The following TRPM3 variants were observed in gnomAD, a reference collection of about 807,000 sequenced individuals.
TRPM3 encodes the protein transient receptor potential cation channel subfamily M member 3.
TRPM3 carries 77 observed loss-of-function variants against 181.2 expected under a neutral mutation model. The ratio of observed to expected loss-of-function variants is 0.42; its 90% CI spans 0.35 to 0.51. The LOEUF (loss-of-function observed/expected upper bound fraction) is 0.51, where lower values mean the gene tolerates loss of function less well. TRPM3 is among the 20% of genes least tolerant of loss of function. The probability of loss-of-function intolerance (pLI) is 0.01; values close to 1 mark genes in which losing one functional copy is unlikely to be tolerated. For synonymous variants in TRPM3, 745 were observed against 796.4 expected (o/e 0.94, Z 1.09); for missense variants, 1,759 against 2,196.7 (o/e 0.80, Z 3.98).
intron 1 of TRPM3, among the ~76,000 whole-genome samples, chr9:71,342,009 A>G (rs1331579694): frequency 6.6e-6 from 1 of 151,806 alleles, no homozygotes; most frequent in East Asian, 1.9e-4. Context: ...TCTATTTAAA[A>G]TGGTTTAAGA....
intron 1 of TRPM3, among the ~76,000 whole-genome samples, chr9:71,353,869 A>G (rs1228647800): frequency 6.6e-6 from 1 of 152,174 alleles, no homozygotes; most frequent in Non-Finnish European, 1.5e-5. Flanking sequence ...GTTTCTAGCC[A>G]AAAAGGAGTT....
chr9:70,821,702 T>C (rs145856375), intron 6 of TRPM3, among the ~76,000 whole-genome samples: 1 of 152,366 alleles, frequency 6.6e-6, no homozygotes, highest in East Asian at 1.9e-4. Context: ...AATGATTTTA[T>C]GTTCTTTTAA....
intron 1 of TRPM3, among the ~76,000 whole-genome samples, chr9:71,069,631 C>T (rs887558192): frequency 1.3e-4 from 17 of 133,760 alleles, no homozygotes; most frequent in South Asian, 1.2e-3. Context: ...TTTTTTGAGA[C>T]GGAGTCTCAC....
At chr9:70,541,010 G>A (rs2043186341) in intron 25 of TRPM3, among the ~76,000 whole-genome samples, 1 of 152,168 alleles carries the variant, frequency 6.6e-6, no homozygotes, top group Non-Finnish European at 1.5e-5. Context: ...TCACAGGCAG[G>A]AGTCACTGCA....
chr9:71,446,128 T>G (rs1045542591), intron 1 of TRPM3, among the ~76,000 whole-genome samples: 7 of 152,196 alleles, frequency 4.6e-5, no homozygotes, highest in African/African-American at 1.7e-4. Flanking sequence ...ACCTGGGATA[T>G]TCTTGCTATT....
At chr9:70,591,239 A>G (rs759292236) in intron 21 of TRPM3, 34 bp from the exon 22 acceptor site, 1 of 1,582,152 alleles carries the variant, frequency 6.3e-7, no homozygotes, top group Non-Finnish European at 8.7e-7. Flanking sequence ...GAGAAACAAG[A>G]GAAAACCCAT....
At chr9:71,016,548 T>C (rs1476830543) in intron 1 of TRPM3, among the ~76,000 whole-genome samples, 1 of 152,196 alleles carries the variant, frequency 6.6e-6, no homozygotes, top group African/African-American at 2.4e-5. Context: ...TTACTTAACA[T>C]AACATCTTCG....
intron 8 of TRPM3, among the ~76,000 whole-genome samples, chr9:70,752,047 T>TGC (rs1419518557): frequency 4.7e-4 from 46 of 97,812 alleles, no homozygotes; most frequent in African/African-American, 1.4e-3. Flanking sequence ...TGTGTGTGTG[T>TGC]GTGCGCGCGC....
At chr9:71,169,180 T>C (rs2076712537) in intron 1 of TRPM3, among the ~76,000 whole-genome samples, 1 of 152,170 alleles carries the variant, frequency 6.6e-6, no homozygotes, top group Non-Finnish European at 1.5e-5. Context: ...CTCCTTGTTT[T>C]TGTGTGTGAA....
At chr9:70,969,398 A>T (rs777731007) in intron 1 of TRPM3, among the ~76,000 whole-genome samples, 1 of 152,040 alleles carries the variant, frequency 6.6e-6, no homozygotes, top group Non-Finnish European at 1.5e-5. Flanking sequence ...CATTTGACAC[A>T]GGTACCCCAG....
intron 8 of TRPM3, among the ~76,000 whole-genome samples, chr9:70,701,725 A>T (rs576122634): frequency 4.6e-5 from 7 of 152,216 alleles, no homozygotes; most frequent in Admixed American, 2.0e-4. Context: ...AGAATTGAAC[A>T]TATCTAGATT....
chr9:71,157,322 T>G (rs76210618), intron 1 of TRPM3, among the ~76,000 whole-genome samples: 1 of 152,180 alleles, frequency 6.6e-6, no homozygotes, highest in Admixed American at 6.6e-5. Context: ...CAGATTACCA[T>G]GAAGATGTCT....
chr9:71,283,829 A>T (rs1410104636), intron 1 of TRPM3, among the ~76,000 whole-genome samples: 1 of 152,214 alleles, frequency 6.6e-6, no homozygotes, highest in Non-Finnish European at 1.5e-5. Flanking sequence ...ATTACAAGTC[A>T]AGTGCCCTAT....
intron 7 of TRPM3, among the ~76,000 whole-genome samples, chr9:70,771,893 T>C (rs2080345973): frequency 6.6e-6 from 1 of 152,200 alleles, no homozygotes; most frequent in Non-Finnish European, 1.5e-5. Context: ...CTTTTGTCTA[T>C]CTAACCCTGC....
chr9:71,046,284 C>T (rs1360087326), intron 1 of TRPM3, among the ~76,000 whole-genome samples: 3 of 152,086 alleles, frequency 2.0e-5, no homozygotes, highest in Non-Finnish European at 4.4e-5. Flanking sequence ...CGCGCCTGGC[C>T]TTTTCTACAC....
chr9:70,761,804 G>A, intron 7 of TRPM3, 80 bp from the exon 8 acceptor site: 1 of 1,496,350 alleles, frequency 6.7e-7, no homozygotes, highest in African/African-American at 1.4e-5. Flanking sequence ...GAGCTCAAGA[G>A]GAAATAATGA....
At chr9:70,846,181 G>A (rs866829808) in intron 4 of TRPM3, among the ~76,000 whole-genome samples, 197 bp downstream of exon 4, 1 of 152,130 alleles carries the variant, frequency 6.6e-6, no homozygotes, top group South Asian at 2.1e-4. Context: ...TTTCTTATGT[G>A]TAAGTAATTC....
intron 1 of TRPM3, among the ~76,000 whole-genome samples, chr9:71,180,283 G>A (rs2077328331): frequency 6.6e-6 from 1 of 151,950 alleles, no homozygotes; most frequent in African/African-American, 2.4e-5. Context: ...TCAAACTCCT[G>A]ACCTCAGGTG....
intron 1 of TRPM3, among the ~76,000 whole-genome samples, chr9:71,224,997 T>C (rs756223049): frequency 2.8e-4 from 42 of 152,112 alleles, no homozygotes; most frequent in Non-Finnish European, 4.9e-4. Flanking sequence ...CTAAGAGTTA[T>C]TGGCCTTAAA....
Sources: allele counts gnomAD v4.1 joint callset (sites outside exome capture counted in the v4.1 genomes callset), GRCh38; gene constraint gnomAD v4.1.1; transcripts MANE v1.5; gene names NCBI Gene and HGNC (gene_info 2026-07-23, HGNC 2026-07-21).